FHIT: variants seen among roughly 807,000 people sequenced by gnomAD.
FHIT encodes the protein bis(5'-adenosyl)-triphosphatase.
A neutral mutation model predicts 17.9 loss-of-function variants in FHIT; 19 were observed. The observed-to-expected ratio is 1.06, with a 90% CI of 0.74 to 1.56. FHIT has a LOEUF of 1.56. Among genes scored for constraint, FHIT ranks in the 40% most tolerant of loss-of-function variants. The pLI is 0.00. For synonymous variants in FHIT, 81 were observed against 69.7 expected (o/e 1.16, Z -0.81); for missense variants, 248 against 189.2 (o/e 1.31, Z -1.82).
chr3:61,090,589 T>C (rs1223235575), intron 2 of FHIT, among the ~76,000 whole-genome samples: 3 of 152,098 alleles, frequency 2.0e-5, no homozygotes, highest in Non-Finnish European at 4.4e-5. Context: ...TCCCAGTGGG[T>C]GTCAATTTTA....
intron 8 of FHIT, among the ~76,000 whole-genome samples, chr3:59,772,954 G>A (rs544031212): frequency 2.0e-5 from 3 of 152,310 alleles, no homozygotes; most frequent in South Asian, 4.1e-4. Context: ...GAACACATTT[G>A]TAGGCTTTCC....
chr3:60,402,989 T>C (rs1476062482), intron 5 of FHIT, among the ~76,000 whole-genome samples: 2 of 152,178 alleles, frequency 1.3e-5, no homozygotes, highest in Non-Finnish European at 2.9e-5. Flanking sequence ...ACAAAATTCT[T>C]ATTTCACAGA....
At chr3:60,147,176 A>G (rs1183313163) in intron 5 of FHIT, among the ~76,000 whole-genome samples, 1 of 152,292 alleles carries the variant, frequency 6.6e-6, no homozygotes, top group Non-Finnish European at 1.5e-5. Context: ...AATGAATCCA[A>G]CCAGGAGGAA....
At chr3:60,579,339 T>C (rs529080797) in intron 4 of FHIT, among the ~76,000 whole-genome samples, 1 of 152,284 alleles carries the variant, frequency 6.6e-6, no homozygotes, top group Non-Finnish European at 1.5e-5. Flanking sequence ...TATTTGTGTA[T>C]CTAAATATAG....
chr3:60,015,270 C>G (rs578085908), intron 5 of FHIT, among the ~76,000 whole-genome samples: 13 of 152,046 alleles, frequency 8.6e-5, no homozygotes, highest in Non-Finnish European at 1.3e-4. Context: ...CTCAGCTGGT[C>G]AGGCCTGATT....
chr3:60,555,113 A>G (rs963151982), intron 4 of FHIT, among the ~76,000 whole-genome samples: 2 of 152,250 alleles, frequency 1.3e-5, no homozygotes, highest in Non-Finnish European at 2.9e-5. Context: ...ATCTTCCTTC[A>G]ATCCTGTTTA....
intron 8 of FHIT, among the ~76,000 whole-genome samples, chr3:59,881,393 G>C (rs1160890211): frequency 6.6e-6 from 1 of 152,142 alleles, no homozygotes; most frequent in East Asian, 1.9e-4. Flanking sequence ...ACAAAGGAAG[G>C]GGGTACGGGC....
intron 8 of FHIT, among the ~76,000 whole-genome samples, chr3:59,775,170 G>A (rs1364148005): frequency 6.6e-6 from 1 of 152,178 alleles, no homozygotes; most frequent in Non-Finnish European, 1.5e-5. Flanking sequence ...TTCCAGAGCT[G>A]ATGATTTCTA....
chr3:61,111,940 G>A (rs905060266), intron 2 of FHIT, among the ~76,000 whole-genome samples: 1 of 152,198 alleles, frequency 6.6e-6, no homozygotes, highest in Non-Finnish European at 1.5e-5. Flanking sequence ...TTAGCACTCA[G>A]TACTTGCCAG....
chr3:60,852,542 G>C (rs1286646049), intron 3 of FHIT, among the ~76,000 whole-genome samples: 1 of 152,030 alleles, frequency 6.6e-6, no homozygotes, highest in East Asian at 1.9e-4. Context: ...CTAACTGCAT[G>C]TCTCTTTATG....
chr3:60,125,035 C>A (rs1705478234), intron 5 of FHIT, among the ~76,000 whole-genome samples: 1 of 152,194 alleles, frequency 6.6e-6, no homozygotes, highest in Non-Finnish European at 1.5e-5. Flanking sequence ...ATAGCTGAAA[C>A]AATCTACAAT....
Position 60,926,919 on chromosome 3 carries a change from A to AT in FHIT, c.-110-104909_-110-104908insA, listed in dbSNP as rs1553770113. ...ATACAAACTACCATCACAGAATACTAAAAACACCTCTATGCAAATAAACTA... is the reference window on the plus strand; with the variant it reads ...ATACAAACTACCATCACAGAATACTATAAAACACCTCTATGCAAATAAACTA... On this transcript the variant is annotated intron_variant, in intron 3 of 9. Transcript: ENST00000492590. 1.9e-3 allele frequency among the ~76,000 whole-genome samples: 296 copies of AT among 152,302 alleles called. 8 individuals carry two copies. In the East Asian group the frequency reaches 0.049, roughly 25 times the overall value.
chr3:60,543,238 G>A (rs1394892893), intron 4 of FHIT, among the ~76,000 whole-genome samples: 1 of 152,156 alleles, frequency 6.6e-6, no homozygotes, highest in Non-Finnish European at 1.5e-5. Flanking sequence ...GAATAAACAG[G>A]CAGCAGCCCA....
At chr3:60,808,749 C>T (rs1197310024) in intron 4 of FHIT, among the ~76,000 whole-genome samples, 3 of 152,168 alleles carry the variant, frequency 2.0e-5, no homozygotes, top group Non-Finnish European at 1.5e-5. Flanking sequence ...ATCATATTGG[C>T]TACAACTGGT....
At chr3:59,904,803 G>A (rs888124802) in intron 8 of FHIT, among the ~76,000 whole-genome samples, 1 of 152,196 alleles carries the variant, frequency 6.6e-6, no homozygotes, top group Non-Finnish European at 1.5e-5. Flanking sequence ...CTGAAGGTGA[G>A]AAAGTTCCCC....
chr3:59,889,463 A>C (rs571168938), intron 8 of FHIT, among the ~76,000 whole-genome samples: 16 of 152,320 alleles, frequency 1.1e-4, no homozygotes, highest in African/African-American at 3.6e-4. Flanking sequence ...AAGCCTCCCC[A>C]TACCCTCAAA....
intron 4 of FHIT, among the ~76,000 whole-genome samples, chr3:60,651,991 T>C (rs541366078): frequency 1.3e-5 from 2 of 152,270 alleles, no homozygotes; most frequent in East Asian, 3.9e-4. Flanking sequence ...CATTAGAAGA[T>C]AAATGATTTG....
At chr3:61,058,788 G>A (rs2034319233) in intron 2 of FHIT, among the ~76,000 whole-genome samples, 1 of 152,190 alleles carries the variant, frequency 6.6e-6, no homozygotes, top group Admixed American at 6.5e-5. Flanking sequence ...TCTACAGAAA[G>A]AGCATAACCC....
At chr3:60,595,381 T>TC in intron 4 of FHIT, among the ~76,000 whole-genome samples, 1 of 151,368 alleles carries the variant, frequency 6.6e-6, no homozygotes, top group South Asian at 2.1e-4. Context: ...AGTCTTTTTT[T>TC]TTTTTATACT....
Sources: gnomAD v4.1 joint callset for allele counts (sites outside exome capture counted in the v4.1 genomes callset) on GRCh38, gnomAD v4.1.1 for gene constraint, MANE v1.5 for transcripts, NCBI Gene and HGNC (gene_info 2026-07-23, HGNC 2026-07-21) for gene names.